The following FCHO2 variants were observed in gnomAD, a reference collection of about 807,000 sequenced individuals.
FCHO2 encodes the protein F-BAR domain only protein 2.
Under a neutral mutation model 114.1 loss-of-function variants are expected in FCHO2, and 43 were observed. The observed-to-expected ratio is 0.38, with a 90% CI of 0.30 to 0.49. FCHO2 has a LOEUF of 0.49. FCHO2 is among the 20% of genes least tolerant of loss of function. The pLI, the probability that FCHO2 is intolerant of heterozygous loss-of-function variation, is 0.97. For missense variants in FCHO2, 807 were observed against 950.4 expected (o/e 0.85, Z 1.98); for synonymous variants, 293 against 315.2 (o/e 0.93, Z 0.75).
intron 8 of FCHO2, among the ~76,000 whole-genome samples, chr5:73,025,062 C>T (rs970805496): frequency 2.2e-4 from 33 of 152,022 alleles, no homozygotes; most frequent in Admixed American, 6.5e-5. Context: ...TGTTTCAGGA[C>T]CCCAAAAAGA....
chr5:72,994,690 A>C (rs1476445140), intron 5 of FCHO2, among the ~76,000 whole-genome samples: 1 of 152,214 alleles, frequency 6.6e-6, no homozygotes, highest in Non-Finnish European at 1.5e-5. Context: ...TGTGAATATT[A>C]ATTGCAGCAC....
intron 10 of FCHO2, among the ~76,000 whole-genome samples, chr5:73,040,350 T>C (rs1354873977): frequency 2.0e-5 from 3 of 152,192 alleles, no homozygotes; most frequent in African/African-American, 7.2e-5. Flanking sequence ...TCAAAAACTC[T>C]CAGATTTTGG....
intron 12 of FCHO2, among the ~76,000 whole-genome samples, chr5:73,051,884 T>G (rs1388182984): frequency 6.6e-6 from 1 of 151,940 alleles, no homozygotes; most frequent in Non-Finnish European, 1.5e-5. Flanking sequence ...CATATTTTTA[T>G]TAATAAAAGT....
chr5:72,977,862 T>G lies in FCHO2; in HGVS notation c.125+9273T>G, dbSNP rs1212293722. On this transcript the variant is annotated intron_variant, in intron 2 of 25. Coordinates refer to ENST00000430046, the MANE Select transcript of FCHO2 (RefSeq NM_138782.3). ...TGGTTAGCCAGTTTTCCCAACACCA[T>G]TTATTAAATAGGGAATCTTTTCCCA... Among the ~76,000 whole-genome samples the G allele has an allele frequency of 2.0e-5, 3 of 152,234 alleles. No homozygotes were observed. The East Asian group carries it at 5.8e-4, about 29-fold the overall frequency.
At position 73,006,516 on chromosome 5, in the gene FCHO2, T is replaced by A; in HGVS notation, c.567T>A (p.Ala189=). ...LYVEKYALAK[A]DFEQKMTETA... ...TGGAAAAATATGCATTAGCAAAAGC[T>A]GATTTCGAACAGAAAATGACAGAAA... Residue 189 remains alanine, a synonymous_variant, in exon 6 of 26, where the codon GCT becomes GCA. Coordinates refer to ENST00000430046, the MANE Select transcript of FCHO2 (RefSeq NM_138782.3). 6.4e-7 allele frequency: 1 copy of A among 1,573,218 alleles called. No individual in the cohort carries two copies. The highest frequency in any genetic ancestry group is 8.6e-7 in the Non-Finnish European group (1 of 1,163,124).
At chr5:73,056,621 C>A (rs983154589) in intron 16 of FCHO2, among the ~76,000 whole-genome samples, 1 of 151,996 alleles carries the variant, frequency 6.6e-6, no homozygotes, top group African/African-American at 2.4e-5. Context: ...GGTAATATGT[C>A]CTTTTACAAT....
rs575393469 is a variant in FCHO2 at position 73,074,971 on chromosome 5, CTGT to C, written c.1691+123_1691+125del. The C allele has an allele frequency of 2.5e-3, 1,932 of 788,302 alleles. 3 individuals are homozygous for C. The highest frequency in any genetic ancestry group is 6.4e-3 in the Admixed American group (200 of 31,080). The allele number at this position is 788,302 out of a possible 1,614,324, so 48.8% of individuals were successfully genotyped here. A position where few individuals can be genotyped will look rare whatever the true frequency, so the allele number is the denominator to read the frequency against. ...TTGATTCTGTGTAGATTACAGTTTT[CTGT>C]TGTTTATTTACCTGCTTTTTTGCTA... On this transcript the variant is annotated intron_variant, in intron 20 of 25. Coordinates refer to ENST00000430046, the MANE Select transcript of FCHO2 (RefSeq NM_138782.3).
chr5:73,029,120 A>C (rs988936664), intron 8 of FCHO2, among the ~76,000 whole-genome samples: 11 of 152,228 alleles, frequency 7.2e-5, no homozygotes, highest in Admixed American at 6.5e-4. Flanking sequence ...AAATTCATTA[A>C]ACTGTACAAT....
chr5:73,021,185 G>A, intron 8 of FCHO2: 1 of 767,862 alleles, frequency 1.3e-6, no homozygotes, highest in Middle Eastern at 2.5e-4. Context: ...TGGTGAACCG[G>A]CTGTAGAGCA....
At position 73,043,405 on chromosome 5, in the gene FCHO2, CACAT is replaced by C. The variant is rs1318825115; in HGVS notation, c.939+2094_939+2097del. 6.6e-5 allele frequency among the ~76,000 whole-genome samples: 9 copies of C among 135,786 alleles called. No individual in the cohort carries two copies. The South Asian group carries it at 6.8e-4, about 10-fold the overall frequency. The allele number at this position is 135,786 out of a possible 152,430, so 89.1% of individuals were successfully genotyped here. ...TTATAGTAACAAAACTTTACACACA[CACAT>C]ACACACACACACACACATTGTATTA... is the stretch of plus-strand genomic sequence containing the variant. On this transcript the variant is annotated intron_variant, in intron 11 of 25. Transcript: ENST00000430046.
chr5:72,986,031 C>CT (rs1163699543), intron 2 of FCHO2, among the ~76,000 whole-genome samples: 5 of 151,904 alleles, frequency 3.3e-5, no homozygotes, highest in African/African-American at 1.2e-4. Flanking sequence ...GTTTTTCATT[C>CT]TTTTTTGTCT....
At chr5:72,993,008 T>C (rs1284650142) in intron 5 of FCHO2, among the ~76,000 whole-genome samples, 1 of 150,656 alleles carries the variant, frequency 6.6e-6, no homozygotes, top group Non-Finnish European at 1.5e-5. Context: ...ACAACCAAAA[T>C]TGTAGCACAC....
At chr5:73,077,617 C>A in intron 21 of FCHO2, 124 bp downstream of exon 21, 1 of 1,062,410 alleles carries the variant, frequency 9.4e-7, no homozygotes. Context: ...ATTGCTTGAG[C>A]CCAGTTGTTC....
chr5:73,090,473 A>G lies in FCHO2; in HGVS notation c.*2383A>G, dbSNP rs1743452781. On this transcript the variant is annotated 3_prime_UTR_variant, in exon 26 of 26. Coordinates refer to ENST00000430046, the MANE Select transcript of FCHO2 (RefSeq NM_138782.3). ...ATTTTTGATTTTTTTCATTAAATGT[A>G]AATTTTACATAAAAGTTGTGCTCTT... 1 of 152,618 alleles carries G rather than the reference A, an allele frequency of 6.6e-6. No individual in the cohort carries two copies. The highest frequency in any genetic ancestry group is 2.4e-5 in the African/African-American group (1 of 41,466). 9.5% of individuals were successfully genotyped at this position (152,618 alleles called of 1,614,324 possible). A position where few individuals can be genotyped will look rare whatever the true frequency, so the allele number is the denominator to read the frequency against.
chr5:72,991,125 C>T (rs749033429), intron 5 of FCHO2, among the ~76,000 whole-genome samples: 3 of 152,244 alleles, frequency 2.0e-5, no homozygotes, highest in African/African-American at 4.8e-5. Flanking sequence ...AGTGCAGTGG[C>T]GCGATCTTGG....
intron 7 of FCHO2, among the ~76,000 whole-genome samples, chr5:73,016,292 TTTAAAAAATATTTTAAATTGTTTAAATA>T (rs1380206906): frequency 0.16 from 21,887 of 133,354 alleles, 20 homozygotes; most frequent in African/African-American, 0.27. Flanking sequence ...CTACACAAAA[TTTAAAAAATATTTTAAATTGTTTAAATA>T]TTAAAAAATA....
chr5:73,039,621 T>C (rs1315473983), intron 10 of FCHO2, among the ~76,000 whole-genome samples: 1 of 152,122 alleles, frequency 6.6e-6, no homozygotes, highest in East Asian at 1.9e-4. Flanking sequence ...AAATGACTTT[T>C]AAGTGGATAG....
chr5:72,996,243 CAAAAA>C lies in FCHO2; in HGVS notation c.495+5392_495+5396del, dbSNP rs371371047. 3.6e-5 allele frequency among the ~76,000 whole-genome samples: 4 copies of C among 110,962 alleles called. No homozygotes were observed. In the East Asian group the frequency reaches 8.6e-4, roughly 24 times the overall value. The allele number at this position is 110,962 out of a possible 152,430, so 72.8% of individuals were successfully genotyped here. On this transcript the variant is annotated intron_variant, in intron 5 of 25. Transcript: ENST00000430046. ...GGGCAACAAGAACGAAACTCTGTCT[CAAAAA>C]AAAAAAAAAAAATCCTGTTATGTAT...
intron 11 of FCHO2, among the ~76,000 whole-genome samples, chr5:73,048,777 C>T (rs936535429): frequency 2.9e-5 from 4 of 136,028 alleles, no homozygotes; most frequent in African/African-American, 1.1e-4. Context: ...AGGGGTTGTG[C>T]CAATTATTGT....
Sources: allele counts gnomAD v4.1 joint callset (sites outside exome capture counted in the v4.1 genomes callset), GRCh38; gene constraint gnomAD v4.1.1; transcripts MANE v1.5; gene names NCBI Gene and HGNC (gene_info 2026-07-23, HGNC 2026-07-21).